Variants in GAREM1 observed in about 807,000 individuals in gnomAD.
The protein encoded by GAREM1 is GRB2 associated regulator of MAPK1 subtype 1.
A neutral mutation model predicts 71.3 loss-of-function variants in GAREM1; 26 were observed. The ratio of observed to expected loss-of-function variants is 0.36; its 90% CI spans 0.27 to 0.51. The LOEUF (loss-of-function observed/expected upper bound fraction) is 0.51. Among genes scored for constraint, GAREM1 ranks in the 20% least tolerant of loss-of-function variants. The pLI is 0.95. For missense variants in GAREM1, 1,026 were observed against 1,103.1 expected, an observed-to-expected ratio of 0.93 and a Z score of 0.99; for synonymous variants, 440 against 433.2, an observed-to-expected ratio of 1.02 and a Z score of -0.20.
intron 2 of GAREM1, among the ~76,000 whole-genome samples, chr18:32,364,030 T>TATATA (rs1197120510): frequency 6.8e-4 from 17 of 24,920 alleles, no homozygotes; most frequent in Non-Finnish European, 1.1e-3. Flanking sequence ...ATATATATGT[T>TATATA]TTTTTTTTTT....
At chr18:32,434,621 A>T (rs55730180) in intron 1 of GAREM1, among the ~76,000 whole-genome samples, 11,000 of 152,152 alleles carry the variant, frequency 0.072, 403 homozygotes, top group African/African-American at 0.087. Context: ...TAAAATATCC[A>T]TGACTCATAC....
intron 2 of GAREM1, among the ~76,000 whole-genome samples, chr18:32,340,910 G>A (rs1266970312): frequency 1.3e-5 from 2 of 152,066 alleles, no homozygotes; most frequent in African/African-American, 4.8e-5. Context: ...TGTGTTACAT[G>A]CCCTTGCTTG....
At position 32,380,103 on chromosome 18, in the gene GAREM1, T is replaced by G. The variant is rs191226980; in HGVS notation, c.262+12792A>C. ...CATGGTTGCTATCAGTTTCACACAGTGTGTACAGAAAGTAATGTCGATTAA... is the reference window on the plus strand; with the variant it reads ...CATGGTTGCTATCAGTTTCACACAGGGTGTACAGAAAGTAATGTCGATTAA... On this transcript the variant is annotated intron_variant, in intron 2 of 5. Coordinates refer to ENST00000269209, the MANE Select transcript of GAREM1 (RefSeq NM_001242409.2). Among the ~76,000 whole-genome samples, 192 of 152,268 alleles carry G rather than the reference T, an allele frequency of 1.3e-3. 2 individuals carry two copies. Among genetic ancestry groups the G allele is most frequent in the Non-Finnish European group, 1.9e-3 (126 of 68,004 alleles).
intron 2 of GAREM1, among the ~76,000 whole-genome samples, chr18:32,325,627 C>T (rs907250803): frequency 1.3e-5 from 2 of 152,218 alleles, no homozygotes; most frequent in South Asian, 2.1e-4. Context: ...CTCAGTAAGG[C>T]ACGTTTTGTT....
intron 1 of GAREM1, among the ~76,000 whole-genome samples, chr18:32,393,765 G>A (rs542708445): frequency 6.6e-5 from 10 of 152,114 alleles, no homozygotes; most frequent in African/African-American, 9.6e-5. Flanking sequence ...GCATTTGAAC[G>A]GATGACAAAC....
intron 3 of GAREM1, among the ~76,000 whole-genome samples, chr18:32,296,117 C>T (rs2047136819): frequency 6.6e-6 from 1 of 152,082 alleles, no homozygotes; most frequent in Admixed American, 6.5e-5. Flanking sequence ...CACGCGGCAC[C>T]ATGCTCAGCT....
At chr18:32,351,294 G>T (rs2047747930) in intron 2 of GAREM1, among the ~76,000 whole-genome samples, 1 of 151,972 alleles carries the variant, frequency 6.6e-6, no homozygotes, top group Admixed American at 6.6e-5. Flanking sequence ...CTCTCCAATG[G>T]TTTTAAAAGG....
At chr18:32,392,172 T>C (rs2048207526) in intron 2 of GAREM1, among the ~76,000 whole-genome samples, 1 of 151,886 alleles carries the variant, frequency 6.6e-6, no homozygotes, top group South Asian at 2.1e-4. Context: ...TAATGTATTA[T>C]AAGTGCCGGA....
At chr18:32,342,365 C>T (rs908624908) in intron 2 of GAREM1, among the ~76,000 whole-genome samples, 4 of 152,188 alleles carry the variant, frequency 2.6e-5, no homozygotes, top group African/African-American at 9.6e-5. Context: ...TGCTGCTGGA[C>T]ACTCACTTGA....
intron 3 of GAREM1, among the ~76,000 whole-genome samples, chr18:32,294,319 G>A (rs1042395524): frequency 3.9e-5 from 6 of 152,148 alleles, no homozygotes; most frequent in African/African-American, 7.2e-5. Flanking sequence ...AGTGGAGTCC[G>A]GGGAAATGGG....
chr18:32,455,882 T>C (rs2048882423), intron 1 of GAREM1, among the ~76,000 whole-genome samples: 1 of 152,098 alleles, frequency 6.6e-6, no homozygotes, highest in Non-Finnish European at 1.5e-5. Flanking sequence ...GTTTTTCTAC[T>C]ACTAAAAGAG....
At chr18:32,331,022 G>A (rs2047529296) in intron 2 of GAREM1, among the ~76,000 whole-genome samples, 1 of 152,100 alleles carries the variant, frequency 6.6e-6, no homozygotes, top group East Asian at 1.9e-4. Flanking sequence ...ACCAAGCGCT[G>A]TAGTTCACAA....
intron 1 of GAREM1, among the ~76,000 whole-genome samples, chr18:32,428,848 G>A (rs1288028389): frequency 2.0e-5 from 3 of 152,080 alleles, no homozygotes; most frequent in African/African-American, 7.2e-5. Flanking sequence ...CATCTTTTCG[G>A]TTCCTTGTTT....
intron 1 of GAREM1, among the ~76,000 whole-genome samples, chr18:32,420,591 T>C (rs79177555): frequency 0.024 from 3,702 of 152,032 alleles, 76 homozygotes; most frequent in African/African-American, 0.056. Flanking sequence ...GGGAAGTTTG[T>C]AAAAAACGTT....
At chr18:32,300,291 G>A (rs1473265854) in intron 3 of GAREM1, among the ~76,000 whole-genome samples, 3 of 152,098 alleles carry the variant, frequency 2.0e-5, no homozygotes, top group Non-Finnish European at 4.4e-5. Flanking sequence ...AACTTAAAAC[G>A]CAAGATTCCT....
intron 2 of GAREM1, among the ~76,000 whole-genome samples, chr18:32,333,120 A>T (rs2047553679): frequency 6.6e-6 from 1 of 151,912 alleles, no homozygotes; most frequent in Non-Finnish European, 1.5e-5. Flanking sequence ...ATGACAGGGA[A>T]GCCAGGAGGG....
intron 1 of GAREM1, among the ~76,000 whole-genome samples, chr18:32,401,094 A>G (rs2048310921): frequency 6.6e-6 from 1 of 152,168 alleles, no homozygotes; most frequent in Non-Finnish European, 1.5e-5. Context: ...CAAACACTGC[A>G]TGTTCTCACT....
At chr18:32,315,532 A>G (rs1290136748) in intron 2 of GAREM1, among the ~76,000 whole-genome samples, 5 of 147,548 alleles carry the variant, frequency 3.4e-5, no homozygotes, top group African/African-American at 1.2e-4. Flanking sequence ...TATATATAAA[A>G]GTAGATATAT....
chr18:32,275,755 C>T (rs1361850136), intron 4 of GAREM1, among the ~76,000 whole-genome samples: 4 of 152,100 alleles, frequency 2.6e-5, no homozygotes, highest in Admixed American at 1.3e-4. Context: ...CTCAGCTCAC[C>T]GCAACCTCCG....
Sources: gnomAD v4.1 joint callset for allele counts (sites outside exome capture counted in the v4.1 genomes callset) on GRCh38, gnomAD v4.1.1 for gene constraint, MANE v1.5 for transcripts, NCBI Gene and HGNC (gene_info 2026-07-23, HGNC 2026-07-21) for gene names.